Variants in AGBL4 observed in about 807,000 individuals in gnomAD.
AGBL4 encodes the protein cytosolic carboxypeptidase 6.
A neutral mutation model predicts 66.4 loss-of-function variants in AGBL4; 58 were observed. The ratio of observed to expected loss-of-function variants is 0.87; its 90% CI spans 0.71 to 1.09. The LOEUF (loss-of-function observed/expected upper bound fraction) is 1.09. AGBL4 is among the 50% of genes least tolerant of loss of function. The pLI is 0.00. For synonymous variants in AGBL4, 234 were observed against 222.9 expected (o/e 1.05, Z -0.44); for missense variants, 579 against 631.0 (o/e 0.92, Z 0.88).
At chr1:49,990,127 C>G (rs567117689) in intron 1 of AGBL4, among the ~76,000 whole-genome samples, 5 of 152,152 alleles carry the variant, frequency 3.3e-5, no homozygotes, top group African/African-American at 9.6e-5. Context: ...AAAAGCAAAC[C>G]TTTCAACTCT....
At chr1:49,724,132 G>T (rs1648828206) in intron 2 of AGBL4, among the ~76,000 whole-genome samples, 1 of 152,130 alleles carries the variant, frequency 6.6e-6, no homozygotes, top group African/African-American at 2.4e-5. Context: ...TCAGCAAGTA[G>T]CCCAAGAAAA....
chr1:49,285,344 C>T lies in AGBL4; in HGVS notation c.283-39480G>A, dbSNP rs545169984. Among the ~76,000 whole-genome samples the T allele has an allele frequency of 2.6e-5, 4 of 151,872 alleles. No individual in the cohort carries two copies. In the East Asian group the frequency reaches 7.8e-4, roughly 29 times the overall value. ...CAACGAGAACAAAGACACAACATACCATTATCTGTGGGACGCATTCAGAGG... is the reference window on the plus strand; with the variant it reads ...CAACGAGAACAAAGACACAACATACTATTATCTGTGGGACGCATTCAGAGG... On this transcript the variant is annotated intron_variant, in intron 3 of 13. Transcript: ENST00000371839.
intron 6 of AGBL4, among the ~76,000 whole-genome samples, chr1:48,775,422 C>G (rs925655759): frequency 8.5e-5 from 13 of 152,066 alleles, no homozygotes; most frequent in South Asian, 6.2e-4. Context: ...TGTGAGGAAG[C>G]AAAGGAACTT....
intron 2 of AGBL4, chr1:49,842,165 G>T (rs1397573703): frequency 4.9e-6 from 2 of 408,900 alleles, no homozygotes; most frequent in East Asian, 6.0e-5. Flanking sequence ...TGCATTGGAG[G>T]AGCATGTGAC....
At chr1:49,728,456 C>T (rs1649191332) in intron 2 of AGBL4, among the ~76,000 whole-genome samples, 1 of 152,196 alleles carries the variant, frequency 6.6e-6, no homozygotes, top group South Asian at 2.1e-4. Context: ...AACTTAGCAG[C>T]CAGCTTGCAG....
chr1:48,674,145 C>T (rs1421284808), intron 6 of AGBL4, among the ~76,000 whole-genome samples: 1 of 152,214 alleles, frequency 6.6e-6, no homozygotes, highest in Non-Finnish European at 1.5e-5. Flanking sequence ...ACACCTCTGT[C>T]CAGAGGACGC....
At chr1:49,357,684 C>T (rs545866944) in intron 3 of AGBL4, among the ~76,000 whole-genome samples, 13 of 152,216 alleles carry the variant, frequency 8.5e-5, no homozygotes, top group Admixed American at 5.2e-4. Context: ...GCACTGAGGT[C>T]ACATAACCAA....
chr1:49,503,543 C>G (rs1434094238), intron 3 of AGBL4, among the ~76,000 whole-genome samples: 3 of 152,108 alleles, frequency 2.0e-5, no homozygotes, highest in African/African-American at 7.2e-5. Context: ...CAACACCAGT[C>G]TGTGAAAGCA....
chr1:49,737,485 C>T (rs888174814), intron 2 of AGBL4, among the ~76,000 whole-genome samples: 4 of 152,024 alleles, frequency 2.6e-5, no homozygotes, highest in Non-Finnish European at 5.9e-5. Context: ...ACATTGGGTA[C>T]GCATGGACAT....
intron 2 of AGBL4, among the ~76,000 whole-genome samples, chr1:49,804,817 G>T (rs1326315988): frequency 6.6e-6 from 1 of 152,132 alleles, no homozygotes; most frequent in East Asian, 1.9e-4. Flanking sequence ...ATTTAAATTT[G>T]CTTTCCTGGT....
At position 49,751,294 on chromosome 1, in the gene AGBL4, G is replaced by C. The variant is rs550566471; in HGVS notation, c.158-53857C>G. ...TTTATTGGGTGTTTTTAGTATGAAG[G>C]GGTGTTGAATTTTATCAAAGGACTT... On this transcript the variant is annotated intron_variant, in intron 2 of 13. Coordinates refer to ENST00000371839, the MANE Select transcript of AGBL4 (RefSeq NM_032785.4). Among the ~76,000 whole-genome samples the C allele has an allele frequency of 1.6e-4, 25 of 152,156 alleles. No individual in the cohort carries two copies. The South Asian group carries it at 3.5e-3, about 21-fold the overall frequency.
chr1:48,763,464 GT>G (rs926760456), intron 6 of AGBL4, among the ~76,000 whole-genome samples: 1 of 152,020 alleles, frequency 6.6e-6, no homozygotes, highest in Non-Finnish European at 1.5e-5. Context: ...TTGCAATGGT[GT>G]TTTTTTGTGT....
chr1:49,768,293 T>A (rs1306876330), intron 2 of AGBL4, among the ~76,000 whole-genome samples: 1 of 152,134 alleles, frequency 6.6e-6, no homozygotes, highest in Non-Finnish European at 1.5e-5. Flanking sequence ...ATTAACAAAC[T>A]GAATCCAGCT....
At chr1:49,038,479 A>G (rs1664840945) in intron 5 of AGBL4, among the ~76,000 whole-genome samples, 1 of 152,088 alleles carries the variant, frequency 6.6e-6, no homozygotes, top group Non-Finnish European at 1.5e-5. Context: ...GGAAAGAAAA[A>G]ACAAAACTAT....
At chr1:49,045,545 G>C in intron 5 of AGBL4, 39 bp downstream of exon 5, 1 of 1,573,676 alleles carries the variant, frequency 6.4e-7, no homozygotes, top group Non-Finnish European at 8.7e-7. Flanking sequence ...AAGTTTGCCT[G>C]TTTCCAAATG....
At chr1:48,820,629 C>T (rs1045380751) in intron 6 of AGBL4, among the ~76,000 whole-genome samples, 4 of 152,118 alleles carry the variant, frequency 2.6e-5, no homozygotes, top group Non-Finnish European at 5.9e-5. Context: ...TTTTTCCCTG[C>T]CTTCAAACTC....
intron 6 of AGBL4, among the ~76,000 whole-genome samples, chr1:48,765,700 G>A (rs193030285): frequency 6.6e-6 from 1 of 152,258 alleles, no homozygotes; most frequent in East Asian, 1.9e-4. Flanking sequence ...ATAACAAAAT[G>A]TGGTATACCC....
At chr1:48,847,608 T>C (rs1251739191) in intron 6 of AGBL4, among the ~76,000 whole-genome samples, 1 of 152,180 alleles carries the variant, frequency 6.6e-6, no homozygotes, top group East Asian at 1.9e-4. Context: ...TAAAGTACTT[T>C]GAAGGAGACC....
chr1:48,635,777 T>A (rs319985), intron 8 of AGBL4, among the ~76,000 whole-genome samples: 88,083 of 152,014 alleles, frequency 0.58, 25,797 homozygotes, highest in Middle Eastern at 0.68. Flanking sequence ...AAGATTTCCA[T>A]AAGAGCAGTG....
Sources: gnomAD v4.1 joint callset for allele counts (sites outside exome capture counted in the v4.1 genomes callset) on GRCh38, gnomAD v4.1.1 for gene constraint, MANE v1.5 for transcripts, NCBI Gene and HGNC (gene_info 2026-07-23, HGNC 2026-07-21) for gene names.